Variants in LRRIQ1 observed in about 807,000 individuals in gnomAD.
The protein encoded by LRRIQ1 is leucine rich repeats and IQ motif containing 1.
A neutral mutation model predicts 211.9 loss-of-function variants in LRRIQ1; 210 were observed. That is an observed-to-expected ratio of 0.99 (90% CI 0.89 to 1.11). LRRIQ1 has a LOEUF of 1.11. Among genes scored for constraint, LRRIQ1 ranks in the 50% most tolerant of loss-of-function variants. The probability of loss-of-function intolerance (pLI) is 0.00; values close to 1 mark genes in which losing one functional copy is unlikely to be tolerated. For missense variants in LRRIQ1, 2,136 were observed against 1,939.5 expected (o/e 1.10, Z -1.90); for synonymous variants, 699 against 650.1 (o/e 1.08, Z -1.14).
At chr12:85,148,980 C>T (rs1471583009) in intron 19 of LRRIQ1, among the ~76,000 whole-genome samples, 1 of 151,716 alleles carries the variant, frequency 6.6e-6, no homozygotes, top group Non-Finnish European at 1.5e-5. Context: ...GTCCTTTGCT[C>T]GCTTTTTGAT....
rs1880987154 is a variant in LRRIQ1, at chr12:85,055,947, T to A, written c.1154T>A (p.Ile385Lys). 1.2e-6 allele frequency: 2 copies of A among 1,606,948 alleles called. No homozygotes were observed. Among genetic ancestry groups the A allele is most frequent in the Non-Finnish European group, 1.7e-6 (2 of 1,176,904 alleles). ...CAACTAATAAGCAAGGAAAAAATAA[T>A]ATTAAGAGAAGATGCAAGCCAACAG... ...REQLISKEKI[I>K]LREDASQQLI... Residue 385 changes from isoleucine (I) to lysine (K), a missense_variant, in exon 8 of 27, where the codon ATA becomes AAA. Coordinates refer to ENST00000393217, the MANE Select transcript of LRRIQ1 (RefSeq NM_001079910.2).
At chr12:85,175,981 C>T (rs945069614) in intron 24 of LRRIQ1, among the ~76,000 whole-genome samples, 22 of 152,132 alleles carry the variant, frequency 1.4e-4, no homozygotes, top group African/African-American at 3.9e-4. Flanking sequence ...ATTGACTTGG[C>T]GGTGCGGGCT....
At chr12:85,256,447 A>T (rs556385718) in intron 1 of LRRIQ1, among the ~76,000 whole-genome samples, 3 of 151,692 alleles carry the variant, frequency 2.0e-5, no homozygotes, top group African/African-American at 7.2e-5. Context: ...GTTAAATATG[A>T]AATGCATTTG....
chr12:85,170,547 C>T (rs1382437411), intron 24 of LRRIQ1, among the ~76,000 whole-genome samples: 1 of 150,224 alleles, frequency 6.7e-6, no homozygotes, highest in Non-Finnish European at 1.5e-5. Context: ...ACTTTTTATA[C>T]ATATATGTGT....
chr12:85,271,082 A>G, the LRRIQ1 span, among the ~76,000 whole-genome samples: 1 of 152,240 alleles, frequency 6.6e-6, no homozygotes, highest in Non-Finnish European at 1.5e-5. Flanking sequence ...GCAAAATATA[A>G]GAAGTTATTT....
intron 8 of LRRIQ1, among the ~76,000 whole-genome samples, chr12:85,057,906 A>G (rs1881314432): frequency 6.6e-6 from 1 of 152,108 alleles, no homozygotes; most frequent in African/African-American, 2.4e-5. Flanking sequence ...AAAAGTATTC[A>G]ATAAAGTTTA....
intron 18 of LRRIQ1, among the ~76,000 whole-genome samples, chr12:85,135,720 G>T (rs199935527): frequency 1.3e-5 from 1 of 78,556 alleles, no homozygotes; most frequent in African/African-American, 4.9e-5. Context: ...GCAGTTAGTA[G>T]TCTCATCAAG....
At chr12:85,146,474 T>G (rs1889901640) in intron 19 of LRRIQ1, among the ~76,000 whole-genome samples, 1 of 151,770 alleles carries the variant, frequency 6.6e-6, no homozygotes, top group South Asian at 2.1e-4. Flanking sequence ...GGTCCATTAG[T>G]AAGTTAAATT....
chr12:85,241,611 A>G (rs1390467971), intron 26 of LRRIQ1, among the ~76,000 whole-genome samples: 1 of 151,988 alleles, frequency 6.6e-6, no homozygotes, highest in Non-Finnish European at 1.5e-5. Flanking sequence ...AGCAGAAAAT[A>G]TATCATTTAT....
chr12:85,236,464 A>G (rs1039729022), intron 26 of LRRIQ1, among the ~76,000 whole-genome samples: 15 of 152,214 alleles, frequency 9.9e-5, no homozygotes, highest in African/African-American at 3.6e-4. Context: ...GGGCAAGTGT[A>G]TGTGAAGAGA....
intron 1 of LRRIQ1, among the ~76,000 whole-genome samples, chr12:85,261,922 C>T (rs1350817296): frequency 6.6e-6 from 1 of 152,008 alleles, no homozygotes. Flanking sequence ...TTCCGAGTAG[C>T]TGGGATTACA....
chr12:85,078,142 T>C (rs1883870539), intron 11 of LRRIQ1, among the ~76,000 whole-genome samples: 1 of 152,186 alleles, frequency 6.6e-6, no homozygotes, highest in African/African-American at 2.4e-5. Flanking sequence ...TATATTAATA[T>C]TGTTTCTCCT....
intron 18 of LRRIQ1, among the ~76,000 whole-genome samples, chr12:85,130,302 A>C (rs763962203): frequency 6.6e-6 from 1 of 152,192 alleles, no homozygotes; most frequent in Non-Finnish European, 1.5e-5. Context: ...CTGAGAAAAA[A>C]TAAAAAGAAA....
intron 11 of LRRIQ1, among the ~76,000 whole-genome samples, chr12:85,073,981 G>C (rs1284364795): frequency 6.6e-6 from 1 of 151,976 alleles, no homozygotes; most frequent in African/African-American, 2.4e-5. Context: ...TTAAGGAGGT[G>C]AAATAAAATT....
chr12:85,111,452 T>C (rs1887168551), intron 15 of LRRIQ1, among the ~76,000 whole-genome samples: 1 of 152,056 alleles, frequency 6.6e-6, no homozygotes, highest in Non-Finnish European at 1.5e-5. Context: ...CTAGTTCCAT[T>C]CGTGTAACTA....
chr12:85,188,245 T>G (rs1039736615), intron 24 of LRRIQ1, among the ~76,000 whole-genome samples: 5 of 152,104 alleles, frequency 3.3e-5, no homozygotes, highest in Admixed American at 6.6e-5. Context: ...TTAGGCTAAT[T>G]TAATGACCCA....
chr12:85,085,435 G>A (rs1043348366), intron 11 of LRRIQ1, among the ~76,000 whole-genome samples: 9 of 152,178 alleles, frequency 5.9e-5, no homozygotes, highest in East Asian at 1.9e-4. Flanking sequence ...TGAGATTTTG[G>A]TGGGGACAGA....
chr12:85,130,791 G>A (rs1032192069), intron 18 of LRRIQ1, among the ~76,000 whole-genome samples: 3 of 152,154 alleles, frequency 2.0e-5, no homozygotes, highest in Non-Finnish European at 4.4e-5. Context: ...AAGGTTTTGT[G>A]AAGGATGTGC....
intron 6 of LRRIQ1, among the ~76,000 whole-genome samples, chr12:85,051,707 G>A (rs138324139): frequency 6.6e-6 from 1 of 152,224 alleles, no homozygotes; most frequent in African/African-American, 2.4e-5. Flanking sequence ...GAAGAAGGGG[G>A]TTGTATTTTA....
Sources: gnomAD v4.1 joint callset for allele counts (sites outside exome capture counted in the v4.1 genomes callset) on GRCh38, gnomAD v4.1.1 for gene constraint, MANE v1.5 for transcripts, NCBI Gene and HGNC (gene_info 2026-07-23, HGNC 2026-07-21) for gene names.